The following HS6ST3 variants were observed in gnomAD, a reference collection of about 807,000 sequenced individuals.
HS6ST3 encodes heparan-sulfate 6-O-sulfotransferase 3.
Under a neutral mutation model 36.7 loss-of-function variants are expected in HS6ST3, and 12 were observed. That is an observed-to-expected ratio of 0.33 (90% CI 0.21 to 0.53). The LOEUF (loss-of-function observed/expected upper bound fraction) is 0.53, where lower values mean the gene tolerates loss of function less well. Among genes scored for constraint, HS6ST3 ranks in the 20% least tolerant of loss-of-function variants. The pLI is 0.95. For missense variants in HS6ST3, 584 were observed against 640.9 expected (o/e 0.91, Z 0.96); for synonymous variants, 240 against 257.5 (o/e 0.93, Z 0.65).
chr13:96,429,052 A>T (rs1353214457), intron 1 of HS6ST3, among the ~76,000 whole-genome samples: 2 of 152,186 alleles, frequency 1.3e-5, no homozygotes, highest in South Asian at 2.1e-4. Context: ...AGGCACAGAA[A>T]TTTTTTTCAA....
At chr13:96,333,738 G>A (rs2055084888) in intron 1 of HS6ST3, among the ~76,000 whole-genome samples, 1 of 152,016 alleles carries the variant, frequency 6.6e-6, no homozygotes, top group South Asian at 2.1e-4. Context: ...TTTTTTGATG[G>A]CAGGACACTC....
At chr13:96,559,090 C>G (rs1159100623) in intron 1 of HS6ST3, among the ~76,000 whole-genome samples, 1 of 146,558 alleles carries the variant, frequency 6.8e-6, no homozygotes, top group African/African-American at 2.5e-5. Flanking sequence ...ATCTATCTAT[C>G]TATCTATCTA....
At chr13:96,799,379 C>G (rs1045205209) in intron 1 of HS6ST3, among the ~76,000 whole-genome samples, 1 of 152,050 alleles carries the variant, frequency 6.6e-6, no homozygotes, top group African/African-American at 2.4e-5. Flanking sequence ...GAGGAACCAA[C>G]CCAAATGTCC....
chr13:96,484,053 A>C (rs188013485), intron 1 of HS6ST3, among the ~76,000 whole-genome samples: 1 of 152,086 alleles, frequency 6.6e-6, no homozygotes. Context: ...TCAGTTGACT[A>C]TATTTATATG....
chr13:96,285,051 G>T (rs1285420057), intron 1 of HS6ST3, among the ~76,000 whole-genome samples: 1 of 151,812 alleles, frequency 6.6e-6, no homozygotes, highest in Non-Finnish European at 1.5e-5. Context: ...CTTTAAGATT[G>T]AATGCATATT....
intron 1 of HS6ST3, among the ~76,000 whole-genome samples, chr13:96,789,717 T>C (rs1877735309): frequency 6.6e-6 from 1 of 151,342 alleles, no homozygotes; most frequent in Non-Finnish European, 1.5e-5. Flanking sequence ...CTTTCAACAT[T>C]TAAAAAATGT....
chr13:96,396,306 T>C (rs917795546), intron 1 of HS6ST3, among the ~76,000 whole-genome samples: 2 of 151,924 alleles, frequency 1.3e-5, no homozygotes, highest in Non-Finnish European at 2.9e-5. Flanking sequence ...AGGGGGAGAC[T>C]CTGTTTTGTT....
At chr13:96,349,248 C>G (rs1322682269) in intron 1 of HS6ST3, among the ~76,000 whole-genome samples, 1 of 152,116 alleles carries the variant, frequency 6.6e-6, no homozygotes, top group Non-Finnish European at 1.5e-5. Context: ...ACAACTTGTT[C>G]TGAAGTTTTT....
intron 1 of HS6ST3, among the ~76,000 whole-genome samples, chr13:96,165,754 T>C (rs975150740): frequency 6.6e-6 from 1 of 152,186 alleles, no homozygotes; most frequent in African/African-American, 2.4e-5. Context: ...TCCCTTCTGC[T>C]CACTTTTCAT....
intron 1 of HS6ST3, among the ~76,000 whole-genome samples, chr13:96,586,317 A>G (rs1392344149): frequency 2.0e-5 from 3 of 151,244 alleles, no homozygotes; most frequent in Non-Finnish European, 4.4e-5. Flanking sequence ...TTTTTTTAAG[A>G]TGATGTCTAG....
Position 96,114,713 on chromosome 13 carries a change from A to G in HS6ST3, c.707+23144A>G, listed in dbSNP as rs1286357742. ...CCCTGTGCCAGTATTAGCTATTAGT[A>G]TACTGTTGCTTTTCATAAGATATAG... On this transcript the variant is annotated intron_variant, in intron 1 of 1. Transcript: ENST00000376705. Among the ~76,000 whole-genome samples, 4 of 152,314 alleles carry G rather than the reference A, an allele frequency of 2.6e-5. No homozygotes were observed. The South Asian group carries it at 6.2e-4, about 24-fold the overall frequency.
chr13:96,613,217 A>G (rs1233402713), intron 1 of HS6ST3, among the ~76,000 whole-genome samples: 1 of 152,204 alleles, frequency 6.6e-6, no homozygotes, highest in Non-Finnish European at 1.5e-5. Context: ...TTTATCAGAT[A>G]TTATCTATGT....
chr13:96,692,200 C>T (rs1566430976), intron 1 of HS6ST3, among the ~76,000 whole-genome samples: 1 of 151,974 alleles, frequency 6.6e-6, no homozygotes. Flanking sequence ...GTACAGTTTC[C>T]CATCAGTATC....
chr13:96,150,658 G>A (rs2054080751), intron 1 of HS6ST3, among the ~76,000 whole-genome samples: 3 of 152,090 alleles, frequency 2.0e-5, no homozygotes. Context: ...ACATCAAGCA[G>A]TAATAACATT....
intron 1 of HS6ST3, among the ~76,000 whole-genome samples, chr13:96,657,859 A>G (rs931372957): frequency 3.4e-4 from 52 of 152,170 alleles, no homozygotes; most frequent in African/African-American, 1.2e-3. Context: ...AAGGCAGCAC[A>G]CCATAGCTAG....
chr13:96,413,024 C>T (rs1054192937), intron 1 of HS6ST3, among the ~76,000 whole-genome samples: 1 of 152,094 alleles, frequency 6.6e-6, no homozygotes, highest in African/African-American at 2.4e-5. Context: ...TACTTTCTAT[C>T]TACTCCCAAG....
intron 1 of HS6ST3, among the ~76,000 whole-genome samples, chr13:96,452,299 A>C (rs2139486214): frequency 6.6e-6 from 1 of 152,312 alleles, no homozygotes; most frequent in Admixed American, 6.5e-5. Context: ...TTGTGCTCCA[A>C]ACAAATGACA....
intron 1 of HS6ST3, among the ~76,000 whole-genome samples, chr13:96,236,372 A>G (rs1412769615): frequency 6.6e-6 from 1 of 152,022 alleles, no homozygotes; most frequent in Non-Finnish European, 1.5e-5. Flanking sequence ...TTTGACACCC[A>G]TTCACTCATC....
At chr13:96,318,533 A>AG in intron 1 of HS6ST3, among the ~76,000 whole-genome samples, 1 of 92,654 alleles carries the variant, frequency 1.1e-5, no homozygotes, top group African/African-American at 5.1e-5. Flanking sequence ...ACTCCTTCTC[A>AG]AAAAAACAAA....
Sources: gnomAD v4.1 joint callset for allele counts (sites outside exome capture counted in the v4.1 genomes callset) on GRCh38, gnomAD v4.1.1 for gene constraint, MANE v1.5 for transcripts, NCBI Gene and HGNC (gene_info 2026-07-23, HGNC 2026-07-21) for gene names.